The following PRSS53 variants were observed in gnomAD, a reference collection of about 807,000 sequenced individuals.
PRSS53 encodes the protein serine protease 53, also known as EDTP308.
PRSS53 carries 54 observed loss-of-function variants against 62.7 expected under a neutral mutation model. The ratio of observed to expected loss-of-function variants is 0.86; its 90% CI spans 0.69 to 1.08. The LOEUF (loss-of-function observed/expected upper bound fraction) is 1.08, where lower values mean the gene tolerates loss of function less well. Ranked by LOEUF, PRSS53 falls within the 50% of genes least tolerant of loss-of-function variation. PRSS53 has a pLI of 0.00. For missense variants in PRSS53, 688 were observed against 728.3 expected (o/e 0.94, Z 0.64); for synonymous variants, 273 against 300.0 (o/e 0.91, Z 0.93).
chr16:31,083,527 T>G (rs2057193112), exon 11 of PRSS53: 5 of 1,372,168 alleles, frequency 3.6e-6, no homozygotes, highest in Non-Finnish European at 3.8e-6. Flanking sequence ...GCTGGCGTGA[T>G]TGTATCTGAA....
At chr16:31,084,797 C>A in exon 8 of PRSS53, 1 of 1,546,550 alleles carries the variant, frequency 6.5e-7, no homozygotes, top group Non-Finnish European at 8.8e-7. Flanking sequence ...TGGGCGGGCC[C>A]GTCCCAGAAC....
exon 6 of PRSS53, chr16:31,086,044 A>C: frequency 6.2e-7 from 1 of 1,614,020 alleles, no homozygotes; most frequent in Non-Finnish European, 8.5e-7. Flanking sequence ...TCGAGCCTGC[A>C]GCCAGGAACT....
exon 5 of PRSS53, chr16:31,086,480 G>A: frequency 6.2e-7 from 1 of 1,613,086 alleles, no homozygotes; most frequent in Non-Finnish European, 8.5e-7. Context: ...AGATTGCGTA[G>A]GGTCCCAGGA....
At chr16:31,088,128 G>A (rs898094370) in intron 1 of PRSS53, 38 of 1,352,120 alleles carry the variant, frequency 2.8e-5, no homozygotes, top group Non-Finnish European at 3.1e-5. Flanking sequence ...TCCTGCCCCC[G>A]CCACTGAGTC....
At chr16:31,085,538 C>T (rs1027319954) in intron 6 of PRSS53, among the ~76,000 whole-genome samples, 1 of 152,178 alleles carries the variant, frequency 6.6e-6, no homozygotes, top group African/African-American at 2.4e-5. Context: ...CTGCTCCACC[C>T]GTCTGCACCC....
At chr16:31,086,640 G>T (rs1162328374) in exon 4 of PRSS53, 17 of 1,539,848 alleles carry the variant, frequency 1.1e-5, no homozygotes, top group Non-Finnish European at 1.5e-5. Flanking sequence ...TACCATCACT[G>T]GTGTCCTGAT....
Position 31,084,539 on chromosome 16 carries a change from GT to G in PRSS53, c.1425+18del, listed in dbSNP as rs1268395556. 3 of 1,596,588 alleles carry G rather than the reference GT, an allele frequency of 1.9e-6. No individual in the cohort carries two copies. The African/African-American group carries it at 4.0e-5, about 21-fold the overall frequency. ...ATGCCAGGGGCCTGTTAGGTAAGGT[GT>G]GGGGGCCTGGGGCTCACCTCACAGC... On this transcript the variant is annotated intron_variant, in intron 9 of 10. Coordinates refer to ENST00000280606, the Ensembl canonical transcript of PRSS53.
chr16:31,084,043 A>G (rs867326329), intron 10 of PRSS53, 76 bp downstream of exon 10: 12 of 1,519,510 alleles, frequency 7.9e-6, no homozygotes, highest in Middle Eastern at 2.0e-4. Flanking sequence ...GGAGTGGGTT[A>G]GAACGGCACG....
At position 31,084,132 on chromosome 16, in the gene PRSS53, G is replaced by T. The variant is rs748300074; in HGVS notation, c.1629C>A (p.Cys543Ter). 8.9e-6 allele frequency: 14 copies of T among 1,581,096 alleles called. No individual in the cohort carries two copies. Among genetic ancestry groups the T allele is most frequent in the Non-Finnish European group, 1.2e-5 (14 of 1,164,468 alleles). The stretch of plus-strand genomic sequence containing the variant: ...GGGGCCACATACTTATGTTGGCCAG[G>T]CAGCTTCCAGGCTCAGCCTCGGGCT... The change falls in exon 10 of 11, where the codon TGC (cysteine) becomes TGA (stop). Residue 543 changes from cysteine to a stop codon, truncating the protein, a stop_gained. Coordinates refer to ENST00000280606, the Ensembl canonical transcript of PRSS53. LOFTEE classifies it high-confidence loss of function.
chr16:31,085,120 A>G, exon 7 of PRSS53: 3 of 1,612,886 alleles, frequency 1.9e-6, no homozygotes, highest in Non-Finnish European at 2.5e-6. Flanking sequence ...CCAATGAAGC[A>G]GTGGGCAGCA....
At chr16:31,083,719 G>A (rs1596783599) in exon 11 of PRSS53, 1 of 1,612,534 alleles carries the variant, frequency 6.2e-7, no homozygotes, top group Non-Finnish European at 8.5e-7. Flanking sequence ...ATGACAGGGT[G>A]GGGAGGACAG....
Position 31,086,503 on chromosome 16 carries a change from G to A in PRSS53, c.509-12C>T, listed in dbSNP as rs774496493. On this transcript the variant is annotated splice_polypyrimidine_tract_variant and intron_variant, in intron 4 of 10. Coordinates refer to ENST00000280606, the Ensembl canonical transcript of PRSS53. Reference sequence around the variant, plus strand: ...TAGGGTCCCAGGAGCTGGTGAAAGAGACGGGGCTGGGGCTAGAGTCTGGGA... The same window carrying A: ...TAGGGTCCCAGGAGCTGGTGAAAGAAACGGGGCTGGGGCTAGAGTCTGGGA... 6.2e-7 allele frequency: 1 copy of A among 1,607,176 alleles called. No homozygotes were observed. The highest frequency in any genetic ancestry group is 1.1e-5 in the South Asian group (1 of 90,576).
chr16:31,085,874 G>T, intron 6 of PRSS53, 90 bp downstream of exon 6: 1 of 1,210,872 alleles, frequency 8.3e-7, no homozygotes. Context: ...ATTAGGCTCG[G>T]CGGTGTGGAT....
At chr16:31,085,877 G>C (rs1177412750) in intron 6 of PRSS53, 87 bp downstream of exon 6, 3 of 1,241,794 alleles carry the variant, frequency 2.4e-6, no homozygotes, top group Non-Finnish European at 3.5e-6. Flanking sequence ...AGGCTCGGCG[G>C]TGTGGATGCC....
chr16:31,085,278 C>G lies in PRSS53; in HGVS notation c.884-18G>C. Reference sequence around the variant, plus strand: ...TCCACAGGCTGAAACAGATAAGTGCCTCATCTGACTTCTTGCTAAGCACTT... The same window carrying G: ...TCCACAGGCTGAAACAGATAAGTGCGTCATCTGACTTCTTGCTAAGCACTT... On this transcript the variant is annotated intron_variant, in intron 6 of 10. Coordinates refer to ENST00000280606, the Ensembl canonical transcript of PRSS53. 1 of 1,523,466 alleles carries G rather than the reference C, an allele frequency of 6.6e-7. No homozygotes were observed. Among genetic ancestry groups the G allele is most frequent in the East Asian group, 2.3e-5 (1 of 43,734 alleles). 94.4% of individuals were successfully genotyped at this position (1,523,466 alleles called of 1,614,324 possible).
chr16:31,084,000 T>C (rs1341001313), intron 10 of PRSS53, 119 bp downstream of exon 10: 1 of 1,498,654 alleles, frequency 6.7e-7, no homozygotes, highest in African/African-American at 1.4e-5. Flanking sequence ...ATCAAATGGG[T>C]CTGCCTGTTG....
intron 4 of PRSS53, 27 bp downstream of exon 4, chr16:31,086,606 C>T (rs778250656): frequency 1.8e-5 from 27 of 1,541,712 alleles, no homozygotes; most frequent in Middle Eastern, 1.7e-4. Context: ...AGTGCCTCTC[C>T]GAGCTTCAGT....
rs552792441 is a variant in PRSS53, at chr16:31,088,817, C to T, written c.-8G>A. On this transcript the variant is annotated 5_prime_UTR_variant, in exon 1 of 11. Transcript: ENST00000280606. ...GCCCCAGCACCACTTCATGCTGCCC[C>T]GGGCCACTCTGCCACCTGTGCTCCA... 26 of 1,613,582 alleles carry T rather than the reference C, an allele frequency of 1.6e-5. No homozygotes were observed. In the Admixed American group the frequency reaches 2.5e-4, roughly 16 times the overall value.
chr16:31,083,916 G>A, intron 10 of PRSS53, 107 bp from the exon 11 acceptor site: 1 of 1,566,928 alleles, frequency 6.4e-7, no homozygotes, highest in Admixed American at 1.8e-5. Flanking sequence ...CGCCATGACA[G>A]ATGAGAATAC....
Sources: allele counts gnomAD v4.1 joint callset (sites outside exome capture counted in the v4.1 genomes callset), GRCh38; gene constraint gnomAD v4.1.1; transcripts MANE v1.5; gene names NCBI Gene and HGNC (gene_info 2026-07-23, HGNC 2026-07-21).